The following CTSE variants were observed in gnomAD, a reference collection of about 807,000 sequenced individuals.
The protein encoded by CTSE is erythrocyte membrane aspartic proteinase.
In CTSE, 43 loss-of-function variants were observed where a neutral mutation model predicts 42.8. The ratio of observed to expected loss-of-function variants is 1.01; its 90% CI spans 0.79 to 1.30. The LOEUF (loss-of-function observed/expected upper bound fraction) is 1.30. Ranked by LOEUF, CTSE falls within the 50% of genes most tolerant of loss-of-function variation. CTSE has a pLI of 0.00. For synonymous variants in CTSE, 205 were observed against 191.5 expected (o/e 1.07, Z -0.58); for missense variants, 532 against 493.5 (o/e 1.08, Z -0.74).
At chr1:206,017,098 G>A (rs1206532111) in intron 4 of CTSE, among the ~76,000 whole-genome samples, 2 of 152,016 alleles carry the variant, frequency 1.3e-5, no homozygotes, top group African/African-American at 2.4e-5. Context: ...TTTTATGCAA[G>A]TCTTTTACTT....
At chr1:206,012,671 C>G in intron 6 of CTSE, 22 bp from the exon 7 acceptor site, 1 of 1,607,886 alleles carries the variant, frequency 6.2e-7, no homozygotes, top group Non-Finnish European at 8.5e-7. Context: ...GGGTTGTGGT[C>G]GGCCCACCTT....
At chr1:206,015,300 C>A (rs1452788559) in intron 5 of CTSE, among the ~76,000 whole-genome samples, 2 of 152,042 alleles carry the variant, frequency 1.3e-5, no homozygotes, top group African/African-American at 4.8e-5. Flanking sequence ...CCTCACTTCC[C>A]CTCCCCAGGC....
In CTSE at chr1:206,009,772, A is replaced by C. The variant is rs1191002505; in HGVS notation, c.*411T>G. 1 of 210,088 alleles carries C rather than the reference A, an allele frequency of 4.8e-6. No homozygotes were observed. Among genetic ancestry groups the C allele is most frequent in the Non-Finnish European group, 9.7e-6 (1 of 102,990 alleles). The allele number at this position is 210,088 out of a possible 1,614,324, so 13.0% of individuals were successfully genotyped here. On this transcript the variant is annotated 3_prime_UTR_variant, in exon 9 of 9. Transcript: ENST00000358184. ...TGTGGAGCTGGAGAGAGGAGTGGGC[A>C]GCAGTGTAGATAAACAGGCCTGGCC...
Position 206,010,105 on chromosome 1 carries a change from T to C in CTSE, c.*78A>G, listed in dbSNP as rs782099386. On this transcript the variant is annotated 3_prime_UTR_variant, in exon 9 of 9. Transcript: ENST00000358184. ...AGCTACATTCTCTGGAAAATAACTT[T>C]TTGTAGGTGTAAAGAATGCCCCAGC... 7.6e-6 allele frequency: 12 copies of C among 1,574,000 alleles called. No homozygotes were observed. Among genetic ancestry groups the C allele is most frequent in the Non-Finnish European group, 1.0e-5 (12 of 1,146,168 alleles).
In CTSE at chr1:206,012,491, C is replaced by A. The variant is rs372950288; in HGVS notation, c.927+17G>T. On this transcript the variant is annotated intron_variant, in intron 7 of 8. Coordinates refer to ENST00000358184, the MANE Select transcript of CTSE (RefSeq NM_001910.4). ...CTCTCCTGTCCCCACCACTCCCTTG[C>A]GCAGGCAGGCACTCACTTCTCCATC... 1 of 1,613,922 alleles carries A rather than the reference C, an allele frequency of 6.2e-7. No homozygotes were observed. The highest frequency in any genetic ancestry group is 1.1e-5 in the South Asian group (1 of 91,072).
Position 206,015,898 on chromosome 1 carries a change from T to A in CTSE, c.662+33A>T, listed in dbSNP as rs140893742. ...TGTGTTGTCTCCCTGTAGTTATAAC[T>A]GACTTTAACCTCACAGACTTGATGG... is the stretch of plus-strand genomic sequence containing the variant. On this transcript the variant is annotated intron_variant, in intron 5 of 8. Coordinates refer to ENST00000358184, the MANE Select transcript of CTSE (RefSeq NM_001910.4). 1.9e-3 allele frequency: 2,969 copies of A among 1,601,290 alleles called. 38 individuals are homozygous for A. Among genetic ancestry groups the A allele is most frequent in the Non-Finnish European group, 1.9e-3 (2,187 of 1,169,318 alleles).
intron 5 of CTSE, among the ~76,000 whole-genome samples, chr1:206,015,713 G>A (rs55944445): frequency 0.2 from 30,991 of 151,928 alleles, 3,655 homozygotes; most frequent in African/African-American, 0.3. Context: ...TTAAATTTAA[G>A]CCAGTGTGGT....
chr1:206,013,356 CTT>C (rs1661171572), intron 6 of CTSE, among the ~76,000 whole-genome samples: 1 of 152,050 alleles, frequency 6.6e-6, no homozygotes, highest in Non-Finnish European at 1.5e-5. Context: ...TGGCACCTCT[CTT>C]GGAGCACTGA....
At chr1:206,023,320 G>A (rs1453799814) in intron 1 of CTSE, among the ~76,000 whole-genome samples, 1 of 151,904 alleles carries the variant, frequency 6.6e-6, no homozygotes, top group African/African-American at 2.4e-5. Flanking sequence ...CTAGGAAAAT[G>A]GGAGATGTGG....
chr1:206,012,236 C>T (rs1028838036), intron 8 of CTSE, 72 bp downstream of exon 8: 21 of 1,269,832 alleles, frequency 1.7e-5, no homozygotes, highest in African/African-American at 5.9e-5. Context: ...AAAGTGCAGG[C>T]GATTGAAAAG....
In CTSE at chr1:206,023,888, C is replaced by A. The variant is rs1021325329; in HGVS notation, c.-97G>T. ...TTCCCTAACTCTCAGACCTGCCCAGCCCAGTCTGAGGGCCGAATGATAAGG... is the reference window on the plus strand; with the variant it reads ...TTCCCTAACTCTCAGACCTGCCCAGACCAGTCTGAGGGCCGAATGATAAGG... On this transcript the variant is annotated 5_prime_UTR_variant, in exon 1 of 9. Coordinates refer to ENST00000358184, the MANE Select transcript of CTSE (RefSeq NM_001910.4). 3.3e-6 allele frequency: 4 copies of A among 1,221,388 alleles called. No individual in the cohort carries two copies. Among genetic ancestry groups the A allele is most frequent in the Middle Eastern group, 1.9e-4 (1 of 5,328 alleles). The allele number at this position is 1,221,388 out of a possible 1,614,324, so 75.7% of individuals were successfully genotyped here.
chr1:206,012,781 G>T, intron 6 of CTSE, 132 bp from the exon 7 acceptor site: 2 of 1,009,428 alleles, frequency 2.0e-6, no homozygotes, highest in Middle Eastern at 3.2e-4. Context: ...TTCCTCAATT[G>T]TTTTCTACTG....
At chr1:206,013,682 T>C (rs1262593806) in intron 6 of CTSE, 90 bp downstream of exon 6, 49 of 1,491,742 alleles carry the variant, frequency 3.3e-5, no homozygotes, top group Non-Finnish European at 3.8e-5. Flanking sequence ...CCTCTGCTAG[T>C]GACCAGTGGT....
At chr1:206,019,232 T>C (rs1201083929) in intron 4 of CTSE, among the ~76,000 whole-genome samples, 2 of 152,012 alleles carry the variant, frequency 1.3e-5, no homozygotes, top group African/African-American at 4.8e-5. Flanking sequence ...AACAGTGTAC[T>C]TTAGGATACT....
chr1:206,017,032 A>G lies in CTSE; in HGVS notation c.463-902T>C, dbSNP rs572364227. On this transcript the variant is annotated intron_variant, in intron 4 of 8. Coordinates refer to ENST00000358184, the MANE Select transcript of CTSE (RefSeq NM_001910.4). The stretch of plus-strand genomic sequence containing the variant: ...AAACAGAGTCATTCAATCTATGAGC[A>G]TGGTTTAGTTTTCAATACAGGTCTT... 5.3e-5 allele frequency among the ~76,000 whole-genome samples: 8 copies of G among 152,198 alleles called. No homozygotes were observed. In the East Asian group the frequency reaches 1.5e-3, roughly 29 times the overall value.
At chr1:206,011,012 G>A (rs1396054668) in intron 8 of CTSE, among the ~76,000 whole-genome samples, 1 of 152,028 alleles carries the variant, frequency 6.6e-6, no homozygotes, top group African/African-American at 2.4e-5. Context: ...GGCTCAGGGA[G>A]ACTTCTTGAG....
intron 4 of CTSE, among the ~76,000 whole-genome samples, chr1:206,018,878 T>G (rs1328376630): frequency 2.0e-5 from 3 of 152,106 alleles, no homozygotes; most frequent in Non-Finnish European, 2.9e-5. Context: ...ATTTCATTTG[T>G]GTCCCATTCT....
chr1:206,012,188 C>T (rs1661119130), intron 8 of CTSE, 120 bp downstream of exon 8: 3 of 772,620 alleles, frequency 3.9e-6, no homozygotes, highest in East Asian at 2.7e-5. Flanking sequence ...CACATGAGAG[C>T]AGAACAACGT....
At chr1:206,012,757 C>T (rs1191770088) in intron 6 of CTSE, 108 bp from the exon 7 acceptor site, 1 of 1,253,190 alleles carries the variant, frequency 8.0e-7, no homozygotes, top group Non-Finnish European at 1.1e-6. Context: ...TGATTTCCAC[C>T]CACCATATGA....
Sources: allele counts gnomAD v4.1 joint callset (sites outside exome capture counted in the v4.1 genomes callset), GRCh38; gene constraint gnomAD v4.1.1; transcripts MANE v1.5; gene names NCBI Gene and HGNC (gene_info 2026-07-23, HGNC 2026-07-21).